SUCLG2: variants seen among roughly 807,000 people sequenced by gnomAD.
The protein encoded by SUCLG2 is succinate--CoA ligase [GDP-forming] subunit beta, mitochondrial.
In SUCLG2, 42 loss-of-function variants were observed where a neutral mutation model predicts 47.9. The observed-to-expected ratio is 0.88, with a 90% CI of 0.69 to 1.14. The LOEUF is 1.14. Among genes scored for constraint, SUCLG2 ranks in the 50% most tolerant of loss-of-function variants. SUCLG2 has a pLI of 0.00. For missense variants in SUCLG2, 571 were observed against 525.9 expected (o/e 1.09, Z -0.84); for synonymous variants, 195 against 197.3 (o/e 0.99, Z 0.10).
chr3:67,488,078 T>C (rs1705104520), intron 9 of SUCLG2, among the ~76,000 whole-genome samples: 1 of 151,968 alleles, frequency 6.6e-6, no homozygotes, highest in African/African-American at 2.4e-5. Context: ...AATTATATGA[T>C]ATAAGTCTAG....
chr3:67,560,934 C>T (rs188691693), intron 2 of SUCLG2, among the ~76,000 whole-genome samples: 11 of 150,872 alleles, frequency 7.3e-5, no homozygotes, highest in South Asian at 4.3e-4. Context: ...TTTTTCCTTC[C>T]CTCCTCACCC....
chr3:67,604,188 T>C (rs1708479999), intron 2 of SUCLG2, among the ~76,000 whole-genome samples: 5 of 152,212 alleles, frequency 3.3e-5, no homozygotes. Context: ...TTTAAACAAA[T>C]GTTCAAATTA....
At chr3:67,426,783 C>T (rs1427981739) in intron 9 of SUCLG2, among the ~76,000 whole-genome samples, 1 of 152,070 alleles carries the variant, frequency 6.6e-6, no homozygotes, top group Admixed American at 6.5e-5. Context: ...AAAAAATTAG[C>T]CAGGTGTGGT....
At chr3:67,428,459 G>C (rs1703367269) in intron 9 of SUCLG2, among the ~76,000 whole-genome samples, 1 of 152,162 alleles carries the variant, frequency 6.6e-6, no homozygotes, top group South Asian at 2.1e-4. Flanking sequence ...CATCATCAAA[G>C]ACCAAAGGTA....
chr3:67,396,520 G>A (rs1423015102), intron 10 of SUCLG2, among the ~76,000 whole-genome samples: 1 of 152,136 alleles, frequency 6.6e-6, no homozygotes, highest in Non-Finnish European at 1.5e-5. Flanking sequence ...TGAAATTGTG[G>A]CAATAATCAA....
At chr3:67,601,949 T>G (rs1253373667) in intron 2 of SUCLG2, among the ~76,000 whole-genome samples, 2 of 151,342 alleles carry the variant, frequency 1.3e-5, no homozygotes, top group African/African-American at 4.9e-5. Flanking sequence ...ACCCCCCAAC[T>G]CCAGCCGGGG....
At chr3:67,577,566 T>C (rs755401287) in intron 2 of SUCLG2, among the ~76,000 whole-genome samples, 4 of 152,320 alleles carry the variant, frequency 2.6e-5, no homozygotes, top group Non-Finnish European at 5.9e-5. Context: ...AGACTTTTCA[T>C]ATTATAGAGT....
chr3:67,545,248 T>G (rs1025606161), intron 2 of SUCLG2, among the ~76,000 whole-genome samples: 2 of 152,202 alleles, frequency 1.3e-5, no homozygotes, highest in African/African-American at 4.8e-5. Context: ...AGACAACAGC[T>G]TGATGTTGTT....
In SUCLG2 at chr3:67,403,093, G is replaced by A. The variant is rs150605320; in HGVS notation, c.1063-2242C>T. On this transcript the variant is annotated intron_variant, in intron 9 of 10. Transcript: ENST00000307227. ...TGTTAGTATCTCGTGTTTAATTAGAGTCCGATGTTAAAAATAGATACTCTT... is the reference window on the plus strand; with the variant it reads ...TGTTAGTATCTCGTGTTTAATTAGAATCCGATGTTAAAAATAGATACTCTT... Among the ~76,000 whole-genome samples, 749 of 152,186 alleles carry A rather than the reference G, an allele frequency of 4.9e-3. 13 individuals are homozygous for A. The highest frequency in any genetic ancestry group is 4.0e-3 in the Non-Finnish European group (269 of 68,022).
chr3:67,432,693 C>T (rs1460529357), intron 9 of SUCLG2, among the ~76,000 whole-genome samples: 2 of 152,188 alleles, frequency 1.3e-5, no homozygotes, highest in African/African-American at 4.8e-5. Context: ...AGGTTCTAAG[C>T]CTCCAGTTGT....
intron 1 of SUCLG2, among the ~76,000 whole-genome samples, chr3:67,643,508 G>C (rs761353121): frequency 1.3e-5 from 2 of 152,178 alleles, no homozygotes; most frequent in East Asian, 1.9e-4. Context: ...GTCCTCCAAG[G>C]CTGTATAATT....
intron 2 of SUCLG2, among the ~76,000 whole-genome samples, chr3:67,605,674 T>A (rs1199862520): frequency 1.3e-5 from 2 of 151,896 alleles, no homozygotes; most frequent in East Asian, 1.9e-4. Context: ...GCACACACAC[T>A]CACACACTCC....
intron 9 of SUCLG2, among the ~76,000 whole-genome samples, chr3:67,405,166 C>T (rs1045246189): frequency 8.5e-5 from 13 of 152,092 alleles, no homozygotes; most frequent in Admixed American, 3.9e-4. Context: ...ATACAGGGCC[C>T]GGGTCCCCAG....
chr3:67,366,457 G>A (rs1035797844), intron 10 of SUCLG2, among the ~76,000 whole-genome samples: 6 of 152,200 alleles, frequency 3.9e-5, no homozygotes, highest in African/African-American at 1.2e-4. Flanking sequence ...CTCATTCCTT[G>A]AGTAGAGATT....
At chr3:67,495,275 G>A (rs1340813847) in intron 9 of SUCLG2, among the ~76,000 whole-genome samples, 1 of 152,050 alleles carries the variant, frequency 6.6e-6, no homozygotes, top group African/African-American at 2.4e-5. Flanking sequence ...CCACCTCTCA[G>A]GACTGTACAC....
intron 9 of SUCLG2, among the ~76,000 whole-genome samples, chr3:67,428,221 C>G (rs560510081): frequency 7.3e-4 from 111 of 152,344 alleles, no homozygotes; most frequent in Non-Finnish European, 1.5e-3. Context: ...CCTCATACAG[C>G]AGGGTGCCCC....
chr3:67,550,803 G>A (rs961499305), intron 2 of SUCLG2, among the ~76,000 whole-genome samples: 5 of 152,142 alleles, frequency 3.3e-5, no homozygotes, highest in African/African-American at 9.7e-5. Flanking sequence ...GGGTCTGAGC[G>A]GCTTTGGCCA....
At position 67,579,806 on chromosome 3, in the gene SUCLG2, AAAGT is replaced by A. The variant is rs551578836; in HGVS notation, c.226+29645_226+29648del. 1.9e-3 allele frequency among the ~76,000 whole-genome samples: 286 copies of A among 152,364 alleles called. 4 individuals are homozygous for A. In the South Asian group the frequency reaches 0.042, roughly 23 times the overall value. ...ATACTACGATGTTATCCTTTGAAATAAAGTTAGTATGTTTAAAAAAATTAACTTA... is the reference window on the plus strand; with the variant it reads ...ATACTACGATGTTATCCTTTGAAATATAGTATGTTTAAAAAAATTAACTTA... On this transcript the variant is annotated intron_variant, in intron 2 of 10. Transcript: ENST00000307227.
At chr3:67,406,735 G>C (rs1440369342) in intron 9 of SUCLG2, among the ~76,000 whole-genome samples, 2 of 152,158 alleles carry the variant, frequency 1.3e-5, no homozygotes, top group Non-Finnish European at 2.9e-5. Flanking sequence ...CAAACGCCAT[G>C]ACAAAGAGTT....
Sources: allele counts gnomAD v4.1 joint callset (sites outside exome capture counted in the v4.1 genomes callset), GRCh38; gene constraint gnomAD v4.1.1; transcripts MANE v1.5; gene names NCBI Gene and HGNC (gene_info 2026-07-23, HGNC 2026-07-21).